Variants in NABP1 observed in about 807,000 individuals in gnomAD.
The protein encoded by NABP1 is nucleic acid binding protein 1.
In NABP1, 18 loss-of-function variants were observed where a neutral mutation model predicts 25.0. That is an observed-to-expected ratio of 0.72 (90% confidence interval 0.50 to 1.07). The LOEUF is 1.07. Ranked by LOEUF, NABP1 falls within the 50% of genes least tolerant of loss-of-function variation. The pLI, the probability that NABP1 is intolerant of heterozygous loss-of-function variation, is 0.00. For missense variants in NABP1, 270 were observed against 255.6 expected, an observed-to-expected ratio of 1.06 and a Z score of -0.39; for synonymous variants, 71 against 85.0, an observed-to-expected ratio of 0.84 and a Z score of 0.91.
chr2:191,682,247 T>C (rs908237633), intron 3 of NABP1: 4 of 421,942 alleles, frequency 9.5e-6, no homozygotes, highest in African/African-American at 2.1e-5. Context: ...TAGAAGAAGC[T>C]GCAGTTGAGA....
intron 2 of NABP1, 39 bp from the exon 3 acceptor site, chr2:191,681,907 A>G (rs1687695154): frequency 7.5e-7 from 1 of 1,329,548 alleles, no homozygotes. Context: ...GAAGAAAATA[A>G]ATATATTTCT....
Position 191,683,420 on chromosome 2 carries a change from G to A in NABP1, c.303-309G>A. On this transcript the variant is annotated intron_variant, in intron 3 of 5. Coordinates refer to ENST00000425611, the MANE Select transcript of NABP1 (RefSeq NM_001031716.5). This position sits in a 1 kb window ranked among gnomAD's most constrained non-coding sequence, Gnocchi z 4.1. ...TTCACTCTCATGTTATTTTTCCTTT[G>A]ATCAGCTTTTGTGGAAAAACAGGAC... The A allele has an allele frequency of 3.2e-6, 1 of 308,794 alleles. No homozygotes were observed. The highest frequency in any genetic ancestry group is 6.1e-6 in the Non-Finnish European group (1 of 164,326). 19.1% of individuals were successfully genotyped at this position (308,794 alleles called of 1,614,324 possible).
rs1382044286 is a variant in NABP1, at chr2:191,685,601, A to C, written c.448A>C (p.Asn150His). 6.2e-7 allele frequency: 1 copy of C among 1,609,704 alleles called. No individual in the cohort carries two copies. The highest frequency in any genetic ancestry group is 2.2e-5 in the East Asian group (1 of 44,756). The change falls in exon 6 of 6, where the codon AAT (asparagine) becomes CAT (histidine). Residue 150 changes from asparagine to histidine, a missense_variant and splice_region_variant. By Grantham distance (68) the Asn-to-His change is moderately conservative (BLOSUM62 1). Transcript: ENST00000425611. The part of the protein sequence containing the change: ...MGTGTFGPVG[N>H]GVHTGPESRE... ...TGAATTTTTGTATTCTTTTTTAGGA[A>C]ATGGTGTTCACACTGGCCCTGAATC...
At chr2:191,681,693 C>T (rs138313386) in intron 2 of NABP1, among the ~76,000 whole-genome samples, 4 of 151,864 alleles carry the variant, frequency 2.6e-5, no homozygotes, top group Non-Finnish European at 4.4e-5. Context: ...ACTGGCTTTG[C>T]GAAAAGACTT....
rs1209917559 is a variant in NABP1 at position 191,685,789 on chromosome 2, G to A, written c.*21G>A. On this transcript the variant is annotated 3_prime_UTR_variant, in exon 6 of 6. Coordinates refer to ENST00000425611, the MANE Select transcript of NABP1 (RefSeq NM_001031716.5). ...GATGACCTATGCTAAATACTCATGT[G>A]TAGTTTTTATACTACATGCCCTACT... 6.2e-7 allele frequency: 1 copy of A among 1,611,130 alleles called. No individual in the cohort carries two copies. The highest frequency in any genetic ancestry group is 8.5e-7 in the Non-Finnish European group (1 of 1,177,962).
At position 191,678,558 on chromosome 2, in the gene NABP1, C is replaced by T; in HGVS notation, c.-57C>T. On this transcript the variant is annotated 5_prime_UTR_variant, in exon 1 of 6. Coordinates refer to ENST00000425611, the MANE Select transcript of NABP1 (RefSeq NM_001031716.5). ...GCCCCTGTCCCGGGAGGGTGGGAAGCTTTGACCCCGCCCTGCCCACTCGCG... is the reference window on the plus strand; with the variant it reads ...GCCCCTGTCCCGGGAGGGTGGGAAGTTTTGACCCCGCCCTGCCCACTCGCG... 3 of 1,344,450 alleles carry T rather than the reference C, an allele frequency of 2.2e-6. No homozygotes were observed. Among genetic ancestry groups the T allele is most frequent in the Non-Finnish European group, 3.1e-6 (3 of 955,258 alleles). The allele number at this position is 1,344,450 out of a possible 1,614,324, so 83.3% of individuals were successfully genotyped here. A position where few individuals can be genotyped will look rare whatever the true frequency, so the allele number is the denominator to read the frequency against.
intron 1 of NABP1, 127 bp downstream of exon 1, chr2:191,678,832 G>T (rs1432586650): frequency 1.3e-5 from 13 of 1,001,832 alleles, no homozygotes; most frequent in Non-Finnish European, 1.9e-5. Context: ...CGTGGCTCTA[G>T]TGGCCTCCGC....
chr2:191,680,361 A>C (rs1173376590), intron 2 of NABP1, among the ~76,000 whole-genome samples: 2 of 152,240 alleles, frequency 1.3e-5, no homozygotes, highest in Non-Finnish European at 2.9e-5. Context: ...TTGCAGGCTT[A>C]CAACATCTTC....
rs1234161277 is a variant in NABP1 at position 191,686,275 on chromosome 2, T to A, written c.*507T>A. 1 of 152,302 alleles carries A rather than the reference T, an allele frequency of 6.6e-6. No individual in the cohort carries two copies. Among genetic ancestry groups the A allele is most frequent in the African/African-American group, 2.4e-5 (1 of 41,426 alleles). The allele number at this position is 152,302 out of a possible 1,614,324, so 9.4% of individuals were successfully genotyped here. On this transcript the variant is annotated 3_prime_UTR_variant, in exon 6 of 6. Transcript: ENST00000425611. ...CTTCGTTCAGTGACTACTATTAAGATTTTCCAAGGACTGACTCATCCCAAA... is the reference window on the plus strand; with the variant it reads ...CTTCGTTCAGTGACTACTATTAAGAATTTCCAAGGACTGACTCATCCCAAA...
chr2:191,684,219 C>CTT lies in NABP1; in HGVS notation c.379-4_379-3dup. Reference sequence around the variant, plus strand: ...TATTCTCGTTTGGTTAAATTAAAAACTTTTTTTTAGGCACAGAGTGAACAG... The same window carrying CTT: ...TATTCTCGTTTGGTTAAATTAAAAACTTTTTTTTTTAGGCACAGAGTGAACAG... On this transcript the variant is annotated splice_polypyrimidine_tract_variant and intron_variant, in intron 4 of 5. Coordinates refer to ENST00000425611, the MANE Select transcript of NABP1 (RefSeq NM_001031716.5). The CTT allele has an allele frequency of 6.6e-7, 1 of 1,526,136 alleles. No individual in the cohort carries two copies. 94.5% of individuals were successfully genotyped at this position (1,526,136 alleles called of 1,614,324 possible).
At chr2:191,684,407 A>C in intron 5 of NABP1, 111 bp downstream of exon 5, 1 of 652,560 alleles carries the variant, frequency 1.5e-6, no homozygotes, top group Admixed American at 3.1e-5. Flanking sequence ...ATAAAGGTGA[A>C]CTACCAGTAA....
rs1009549628 is a variant in NABP1, at chr2:191,686,636, A to G, written c.*868A>G. 2.6e-5 allele frequency: 4 copies of G among 152,204 alleles called. No individual in the cohort carries two copies. The highest frequency in any genetic ancestry group is 4.8e-5 in the African/African-American group (2 of 41,456). The allele number at this position is 152,204 out of a possible 1,614,324, so 9.4% of individuals were successfully genotyped here. A position where few individuals can be genotyped will look rare whatever the true frequency, so the allele number is the denominator to read the frequency against. ...AATTCATATAGTAACATGCAGTCTG[A>G]AGTCCTAGTTACTTAATAGGTACTC... On this transcript the variant is annotated 3_prime_UTR_variant, in exon 6 of 6. Transcript: ENST00000425611.
Position 191,683,650 on chromosome 2 carries a change from A to G in NABP1, c.303-79A>G. The G allele has an allele frequency of 9.8e-7, 1 of 1,022,216 alleles. No individual in the cohort carries two copies. Among genetic ancestry groups the G allele is most frequent in the Non-Finnish European group, 1.5e-6 (1 of 677,266 alleles). The allele number at this position is 1,022,216 out of a possible 1,614,324, so 63.3% of individuals were successfully genotyped here. A position where few individuals can be genotyped will look rare whatever the true frequency, so the allele number is the denominator to read the frequency against. On this transcript the variant is annotated intron_variant, in intron 3 of 5. Transcript: ENST00000425611. This position sits in a 1 kb window ranked among gnomAD's most constrained non-coding sequence, Gnocchi z 4.1. The stretch of plus-strand genomic sequence containing the variant: ...TGTTTGACACATAAGTTCATTCCTA[A>G]AAGTTAGAGATGTTACATAAAGAAG...
intron 2 of NABP1, among the ~76,000 whole-genome samples, chr2:191,681,341 T>C (rs2105642297): frequency 6.6e-6 from 1 of 152,316 alleles, no homozygotes; most frequent in South Asian, 2.1e-4. Flanking sequence ...TGCTGTCTGC[T>C]TTCAAAATTG....
chr2:191,684,223 T>G lies in NABP1; in HGVS notation c.379-7T>G. 6.5e-7 allele frequency: 1 copy of G among 1,545,948 alleles called. No individual in the cohort carries two copies. The highest frequency in any genetic ancestry group is 8.7e-7 in the Non-Finnish European group (1 of 1,151,322). ...CTCGTTTGGTTAAATTAAAAACTTT[T>G]TTTTAGGCACAGAGTGAACAGAAGA... On this transcript the variant is annotated splice_region_variant and splice_polypyrimidine_tract_variant and intron_variant, in intron 4 of 5. Transcript: ENST00000425611.
At chr2:191,679,187 C>T in intron 2 of NABP1, 59 bp downstream of exon 2, 1 of 1,606,394 alleles carries the variant, frequency 6.2e-7, no homozygotes, top group South Asian at 1.1e-5. Flanking sequence ...TTGGCCGGCT[C>T]CTGGGATCTT....
In NABP1 at chr2:191,678,529, C is replaced by T. The variant is rs1413080030; in HGVS notation, c.-86C>T. ...CCCCTGCCCAAGGTCGCCCCTCTGCCTTCGCCCCTGTCCCGGGAGGGTGGG... is the reference window on the plus strand; with the variant it reads ...CCCCTGCCCAAGGTCGCCCCTCTGCTTTCGCCCCTGTCCCGGGAGGGTGGG... On this transcript the variant is annotated 5_prime_UTR_variant, in exon 1 of 6. Coordinates refer to ENST00000425611, the MANE Select transcript of NABP1 (RefSeq NM_001031716.5). 1.1e-5 allele frequency: 11 copies of T among 981,380 alleles called. No individual in the cohort carries two copies. The highest frequency in any genetic ancestry group is 1.5e-5 in the Non-Finnish European group (10 of 655,540). 60.8% of individuals were successfully genotyped at this position (981,380 alleles called of 1,614,324 possible).
chr2:191,678,586 T>C lies in NABP1; in HGVS notation c.-29T>C, dbSNP rs2105636911. The C allele has an allele frequency of 6.4e-7, 1 of 1,563,668 alleles. No homozygotes were observed. Among genetic ancestry groups the C allele is most frequent in the Non-Finnish European group, 8.8e-7 (1 of 1,139,626 alleles). The stretch of plus-strand genomic sequence containing the variant: ...TGACCCCGCCCTGCCCACTCGCGTC[T>C]CCGCAGCCGTAGCCGCGCCTGTCCC... On this transcript the variant is annotated 5_prime_UTR_variant, in exon 1 of 6. Transcript: ENST00000425611.
intron 3 of NABP1, 125 bp downstream of exon 3, chr2:191,682,142 C>T: frequency 5.9e-6 from 3 of 510,258 alleles, no homozygotes; most frequent in Non-Finnish European, 6.8e-6. Context: ...TCTTTGGTAG[C>T]TTAATTGAAA....
Sources: gnomAD v4.1 joint callset for allele counts (sites outside exome capture counted in the v4.1 genomes callset) on GRCh38, gnomAD v4.1.1 for gene constraint, Gnocchi (gnomAD v3.1) non-coding constraint, MANE v1.5 for transcripts, NCBI Gene and HGNC (gene_info 2026-07-23, HGNC 2026-07-21) for gene names.